Variants in LRRC37A2 observed in about 807,000 individuals in gnomAD.
The protein encoded by LRRC37A2 is leucine rich repeat containing 37 member A2.
Under a neutral mutation model 68.8 loss-of-function variants are expected in LRRC37A2, and 9 were observed. The ratio of observed to expected loss-of-function variants is 0.13; its 90% CI spans 0.08 to 0.23. The LOEUF (loss-of-function observed/expected upper bound fraction) is 0.23. LRRC37A2 is among the 10% of genes least tolerant of loss of function. The pLI is 1.00. For synonymous variants in LRRC37A2, 63 were observed against 367.6 expected, an observed-to-expected ratio of 0.17 and a Z score of 9.48; for missense variants, 168 against 950.4, an observed-to-expected ratio of 0.18 and a Z score of 10.82.
the LRRC37A2 span, among the ~76,000 whole-genome samples, chr17:46,861,277 C>G: frequency 6.6e-6 from 1 of 152,210 alleles, no homozygotes; most frequent in Non-Finnish European, 1.5e-5. Flanking sequence ...CTTCAATTCA[C>G]TTGTAGTTTC....
At chr17:46,905,541 A>C in the LRRC37A2 span, among the ~76,000 whole-genome samples, 2 of 152,214 alleles carry the variant, frequency 1.3e-5, no homozygotes, top group African/African-American at 4.8e-5. Context: ...ACACATGAAG[A>C]AGAGAGCAAG....
chr17:46,779,103 A>ACACC, the LRRC37A2 span, among the ~76,000 whole-genome samples: 49 of 133,658 alleles, frequency 3.7e-4, 1 homozygote, highest in East Asian at 5.4e-3. Context: ...ACACACACAC[A>ACACC]CCCCAGCCCA....
the LRRC37A2 span, among the ~76,000 whole-genome samples, chr17:46,793,307 G>C: frequency 3.4e-5 from 5 of 148,836 alleles, no homozygotes; most frequent in African/African-American, 1.2e-4. Context: ...AAAAATGAGG[G>C]GAGACATTTA....
At chr17:47,000,277 C>T in the LRRC37A2 span, among the ~76,000 whole-genome samples, 13,413 of 148,306 alleles carry the variant, frequency 0.09, 695 homozygotes, top group South Asian at 0.21. Context: ...CTCTGCCACC[C>T]AGGCTGGAGT....
chr17:46,713,776 A>G, the LRRC37A2 span: 1 of 1,443,216 alleles, frequency 6.9e-7, no homozygotes, highest in Non-Finnish European at 9.5e-7. Flanking sequence ...TATGTTCTGG[A>G]TAAAAGTTTA....
At chr17:46,875,126 C>T in the LRRC37A2 span, 65 of 1,613,792 alleles carry the variant, frequency 4.0e-5, no homozygotes, top group Middle Eastern at 3.3e-4. Context: ...CTTTCCTGTA[C>T]GCGGTGTCCT....
the LRRC37A2 span, among the ~76,000 whole-genome samples, chr17:46,891,285 A>G: frequency 6.6e-6 from 1 of 152,192 alleles, no homozygotes; most frequent in Non-Finnish European, 1.5e-5. Flanking sequence ...GAGCCTCGCC[A>G]TAGCCCACAG....
chr17:46,755,144 G>A, the LRRC37A2 span, among the ~76,000 whole-genome samples: 3 of 152,360 alleles, frequency 2.0e-5, no homozygotes, highest in South Asian at 6.2e-4. Flanking sequence ...TCCAAATGAT[G>A]TGATCTGCTT....
At chr17:46,757,876 C>T in the LRRC37A2 span, among the ~76,000 whole-genome samples, 9 of 152,042 alleles carry the variant, frequency 5.9e-5, no homozygotes, top group Non-Finnish European at 1.2e-4. Context: ...TGCCTATAAT[C>T]CCAGCTACTC....
the LRRC37A2 span, among the ~76,000 whole-genome samples, chr17:47,030,088 AAT>A: frequency 9.3e-6 from 1 of 107,138 alleles, no homozygotes; most frequent in Non-Finnish European, 1.9e-5. Context: ...TAATAATAAT[AAT>A]CATCATCATC....
the LRRC37A2 span, chr17:46,936,055 T>C: frequency 1.0e-6 from 1 of 985,514 alleles, no homozygotes; most frequent in Non-Finnish European, 1.2e-6. Context: ...CTGCCATCTC[T>C]ACGGGGGAGA....
chr17:46,865,818 C>G, the LRRC37A2 span, among the ~76,000 whole-genome samples: 1 of 152,138 alleles, frequency 6.6e-6, no homozygotes, highest in Non-Finnish European at 1.5e-5. Flanking sequence ...ACTTACGTTG[C>G]CCAGGCTGGT....
chr17:46,768,477 G>A, the LRRC37A2 span: 2 of 1,614,064 alleles, frequency 1.2e-6, no homozygotes, highest in African/African-American at 1.3e-5. This position sits in a 1 kb window ranked among gnomAD's most constrained non-coding sequence, Gnocchi z 5.0. Context: ...GATGCCGTGG[G>A]AGGTGACATT....
At chr17:46,900,221 A>T in the LRRC37A2 span, among the ~76,000 whole-genome samples, 1 of 126,174 alleles carries the variant, frequency 7.9e-6, no homozygotes, top group African/African-American at 4.3e-5. Context: ...ACACACACAC[A>T]TATATATATA....
At chr17:46,938,823 G>C in the LRRC37A2 span, 1 of 1,610,660 alleles carries the variant, frequency 6.2e-7, no homozygotes, top group Non-Finnish European at 8.5e-7. Flanking sequence ...GTGTGTGAAA[G>C]AGAGAGGGGG....
At chr17:46,759,483 C>A in the LRRC37A2 span, among the ~76,000 whole-genome samples, 1 of 152,232 alleles carries the variant, frequency 6.6e-6, no homozygotes, top group Non-Finnish European at 1.5e-5. Context: ...AGACGCCATG[C>A]AACTTCTGTC....
At chr17:46,703,702 A>C in the LRRC37A2 span, among the ~76,000 whole-genome samples, 6 of 148,234 alleles carry the variant, frequency 4.0e-5, no homozygotes, top group Non-Finnish European at 7.4e-5. Context: ...AAAAAAAAAA[A>C]AACAAAAAAC....
At chr17:46,707,103 G>T in the LRRC37A2 span, among the ~76,000 whole-genome samples, 1 of 152,022 alleles carries the variant, frequency 6.6e-6, no homozygotes, top group Non-Finnish European at 1.5e-5. Flanking sequence ...TGCCTGCCTC[G>T]GCTTTCCAAA....
the LRRC37A2 span, among the ~76,000 whole-genome samples, chr17:47,043,171 T>C: frequency 6.6e-6 from 1 of 151,690 alleles, no homozygotes; most frequent in African/African-American, 2.4e-5. Flanking sequence ...CTGTTTCTTT[T>C]ATTTTTCTTG....
Sources: allele counts gnomAD v4.1 joint callset (sites outside exome capture counted in the v4.1 genomes callset), GRCh38; gene constraint gnomAD v4.1.1; non-coding constraint Gnocchi (gnomAD v3.1); transcripts MANE v1.5; gene names NCBI Gene and HGNC (gene_info 2026-07-23, HGNC 2026-07-21).